The following CCDC102B variants were observed in gnomAD, a reference collection of about 807,000 sequenced individuals.
CCDC102B encodes the protein coiled-coil domain containing 102B.
CCDC102B carries 75 observed loss-of-function variants against 57.4 expected under a neutral mutation model. That is an observed-to-expected ratio of 1.31 (90% CI 1.08 to 1.58). The LOEUF (loss-of-function observed/expected upper bound fraction) is 1.58. Among genes scored for constraint, CCDC102B ranks in the 40% most tolerant of loss-of-function variants. The probability of loss-of-function intolerance (pLI) is 0.00; values close to 1 mark genes in which losing one functional copy is unlikely to be tolerated. For missense variants in CCDC102B, 636 were observed against 582.6 expected (o/e 1.09, Z -0.94); for synonymous variants, 206 against 201.9 (o/e 1.02, Z -0.17).
intron 2 of CCDC102B, among the ~76,000 whole-genome samples, chr18:68,758,765 G>T (rs1416856271): frequency 6.6e-6 from 1 of 151,038 alleles, no homozygotes; most frequent in African/African-American, 2.4e-5. Context: ...TTAAATGCTT[G>T]TTTCATGCAT....
intron 7 of CCDC102B, among the ~76,000 whole-genome samples, chr18:69,041,224 G>A (rs1438124443): frequency 1.3e-5 from 2 of 152,036 alleles, no homozygotes; most frequent in Non-Finnish European, 2.9e-5. Flanking sequence ...TTAGTACACA[G>A]CAGATACTCA....
In CCDC102B at chr18:68,852,838, G is replaced by A. The variant is rs538016956; in HGVS notation, c.936+6417G>A. ...CGAAACGATTTTTGATTATACAAAGGAGAAGATGTGCAATTCCTCTTCTGT... is the reference window on the plus strand; with the variant it reads ...CGAAACGATTTTTGATTATACAAAGAAGAAGATGTGCAATTCCTCTTCTGT... On this transcript the variant is annotated intron_variant, in intron 4 of 7. Transcript: ENST00000360242. Among the ~76,000 whole-genome samples the A allele has an allele frequency of 3.3e-5, 5 of 152,258 alleles. No homozygotes were observed. In the East Asian group the frequency reaches 5.8e-4, roughly 18 times the overall value.
intron 1 of CCDC102B, among the ~76,000 whole-genome samples, chr18:68,818,837 C>T (rs1200557220): frequency 1.3e-5 from 2 of 152,188 alleles, no homozygotes; most frequent in South Asian, 2.1e-4. Context: ...ATGTTGGTTT[C>T]CATTGCAGTT....
chr18:69,055,486 A>T (rs1323891219), downstream of CCDC102B, among the ~76,000 whole-genome samples: 1 of 152,038 alleles, frequency 6.6e-6, no homozygotes, highest in Non-Finnish European at 1.5e-5. Flanking sequence ...CTATCCCATC[A>T]TATCCCCTGT....
intron 2 of CCDC102B, among the ~76,000 whole-genome samples, chr18:68,729,866 A>C (rs2032779341): frequency 6.6e-6 from 1 of 152,238 alleles, no homozygotes; most frequent in African/African-American, 2.4e-5. Context: ...ATGTGCAACT[A>C]AGTAACTACT....
intron 7 of CCDC102B, among the ~76,000 whole-genome samples, chr18:69,027,227 T>C (rs1238601751): frequency 1.3e-5 from 2 of 152,186 alleles, no homozygotes; most frequent in African/African-American, 4.8e-5. Flanking sequence ...AGGTGAACTA[T>C]TGGATCCTTT....
At chr18:68,978,590 A>G (rs961950912) in intron 6 of CCDC102B, among the ~76,000 whole-genome samples, 2 of 152,064 alleles carry the variant, frequency 1.3e-5, no homozygotes, top group Admixed American at 6.6e-5. Flanking sequence ...AACAATCGTA[A>G]ACATAAATAT....
At chr18:68,821,687 A>G (rs1298130226) in intron 1 of CCDC102B, among the ~76,000 whole-genome samples, 1 of 151,744 alleles carries the variant, frequency 6.6e-6, no homozygotes, top group African/African-American at 2.4e-5. Flanking sequence ...ATATATAAAT[A>G]TATGTGTGTA....
chr18:69,015,794 CT>C (rs2051648678), intron 7 of CCDC102B, among the ~76,000 whole-genome samples: 1 of 152,002 alleles, frequency 6.6e-6, no homozygotes, highest in Non-Finnish European at 1.5e-5. Flanking sequence ...AACATTCATC[CT>C]TCATCATTTT....
At chr18:68,730,204 T>A (rs748986128) in intron 2 of CCDC102B, among the ~76,000 whole-genome samples, 32 of 152,190 alleles carry the variant, frequency 2.1e-4, no homozygotes, top group Admixed American at 2.0e-4. Flanking sequence ...ATTCCATTAT[T>A]ACGTACTTCA....
chr18:68,912,041 C>A (rs1480061668), intron 6 of CCDC102B, among the ~76,000 whole-genome samples: 1 of 152,128 alleles, frequency 6.6e-6, no homozygotes. Context: ...ACAGTAGCAT[C>A]ACACCAACCC....
chr18:68,911,178 A>C (rs752340266), intron 6 of CCDC102B, among the ~76,000 whole-genome samples: 11 of 152,210 alleles, frequency 7.2e-5, no homozygotes, highest in Non-Finnish European at 1.6e-4. Flanking sequence ...AAGACATGGA[A>C]TCAACCTAAA....
chr18:68,802,139 C>T (rs1464931587), intron 1 of CCDC102B, among the ~76,000 whole-genome samples: 1 of 134,204 alleles, frequency 7.5e-6, no homozygotes, highest in African/African-American at 3.8e-5. Flanking sequence ...CTGGTTATAA[C>T]CTGTTCCTAA....
intron 2 of CCDC102B, among the ~76,000 whole-genome samples, chr18:68,772,756 G>A (rs2034683276): frequency 6.6e-6 from 1 of 152,076 alleles, no homozygotes; most frequent in African/African-American, 2.4e-5. Context: ...GCAGAGTATA[G>A]CCAGACTTTT....
intron 6 of CCDC102B, among the ~76,000 whole-genome samples, chr18:68,906,454 G>T (rs913956646): frequency 6.6e-6 from 1 of 152,090 alleles, no homozygotes; most frequent in East Asian, 1.9e-4. Context: ...ATACGTGAGG[G>T]TTTTTATTTC....
In CCDC102B at chr18:68,769,915, T is replaced by G. The variant is rs187593866; in HGVS notation, c.-67+53321T>G. ...TTTAAGCTGTAGAACAATATGGTCA[T>G]ATTTGCATTGAATATATTAGGATGA... is the stretch of plus-strand genomic sequence containing the variant. On this transcript the variant is annotated intron_variant, in intron 2 of 3. Coordinates refer to the CCDC102B transcript ENST00000578970. 2.6e-5 allele frequency among the ~76,000 whole-genome samples: 4 copies of G among 152,346 alleles called. No homozygotes were observed. The East Asian group carries it at 7.7e-4, about 29-fold the overall frequency.
chr18:68,955,547 C>A (rs2049820382), intron 6 of CCDC102B, among the ~76,000 whole-genome samples: 1 of 151,924 alleles, frequency 6.6e-6, no homozygotes, highest in Non-Finnish European at 1.5e-5. Context: ...GGGTCATTTC[C>A]ATGACAATGA....
chr18:69,036,518 T>G (rs1479056269), intron 7 of CCDC102B, among the ~76,000 whole-genome samples: 1 of 152,136 alleles, frequency 6.6e-6, no homozygotes, highest in Non-Finnish European at 1.5e-5. Context: ...ATTATTTATA[T>G]AGAAATTTTC....
At position 69,054,218 on chromosome 18, in the gene CCDC102B, G is replaced by A; in HGVS notation, c.*81G>A. Reference sequence around the variant, plus strand: ...CCTTTTCTTAAATATCAGTAAAATTGTTTTTATTAACTAGAAATATTAATG... The same window carrying A: ...CCTTTTCTTAAATATCAGTAAAATTATTTTTATTAACTAGAAATATTAATG... On this transcript the variant is annotated 3_prime_UTR_variant, in exon 8 of 8. Transcript: ENST00000360242. 7.1e-7 allele frequency: 1 copy of A among 1,417,646 alleles called. No homozygotes were observed. The highest frequency in any genetic ancestry group is 9.2e-7 in the Non-Finnish European group (1 of 1,086,978). The allele number at this position is 1,417,646 out of a possible 1,614,324, so 87.8% of individuals were successfully genotyped here. A position where few individuals can be genotyped will look rare whatever the true frequency, so the allele number is the denominator to read the frequency against.
Sources: gnomAD v4.1 joint callset for allele counts (sites outside exome capture counted in the v4.1 genomes callset) on GRCh38, gnomAD v4.1.1 for gene constraint, MANE v1.5 for transcripts, NCBI Gene and HGNC (gene_info 2026-07-23, HGNC 2026-07-21) for gene names.